Variants in MIER2 observed in about 807,000 individuals in gnomAD.
MIER2 encodes the protein mesoderm induction early response protein 2.
A neutral mutation model predicts 67.6 loss-of-function variants in MIER2; 30 were observed. The observed-to-expected ratio is 0.44, with a 90% CI of 0.33 to 0.60. The LOEUF (loss-of-function observed/expected upper bound fraction) is 0.60. Ranked by LOEUF, MIER2 falls within the 20% of genes least tolerant of loss-of-function variation. The pLI is 0.02. For missense variants in MIER2, 702 were observed against 745.1 expected, an observed-to-expected ratio of 0.94 and a Z score of 0.67; for synonymous variants, 372 against 312.6, an observed-to-expected ratio of 1.19 and a Z score of -2.00.
chr19:319,292 G>T (rs914796246), intron 7 of MIER2, among the ~76,000 whole-genome samples: 34 of 152,098 alleles, frequency 2.2e-4, no homozygotes, highest in Admixed American at 1.0e-3. Context: ...AACCTTGGAG[G>T]CGAAGTTTCC....
chr19:310,620 A>AGCTGCAGAAACACG, intron 10 of MIER2, among the ~76,000 whole-genome samples: 1 of 60,630 alleles, frequency 1.6e-5, no homozygotes. Flanking sequence ...ATAGAAACAC[A>AGCTGCAGAAACACG]GCCCGGAGCT....
intron 1 of MIER2, among the ~76,000 whole-genome samples, chr19:342,317 G>A (rs1307284711): frequency 6.6e-6 from 1 of 152,144 alleles, no homozygotes; most frequent in African/African-American, 2.4e-5. Flanking sequence ...AAGTGGACAT[G>A]TATGGTACCG....
intron 13 of MIER2, 147 bp downstream of exon 13, chr19:306,972 C>G (rs1970678733): frequency 9.6e-7 from 1 of 1,041,232 alleles, no homozygotes; most frequent in African/African-American, 1.6e-5. Context: ...AAGAATAAAC[C>G]TAAAGACACA....
chr19:340,013 T>TA (rs774589426), intron 1 of MIER2, among the ~76,000 whole-genome samples: 5 of 152,132 alleles, frequency 3.3e-5, no homozygotes, highest in African/African-American at 4.8e-5. Context: ...AAGGGTAGAT[T>TA]AAAATATTTA....
At chr19:335,869 C>T (rs1972228760) in intron 2 of MIER2, among the ~76,000 whole-genome samples, 2 of 152,114 alleles carry the variant, frequency 1.3e-5, no homozygotes, top group Non-Finnish European at 2.9e-5. Flanking sequence ...GGTCTTGGGT[C>T]GCCTGGGCTC....
At chr19:328,360 T>C (rs1206587989) in intron 3 of MIER2, among the ~76,000 whole-genome samples, 1 of 149,370 alleles carries the variant, frequency 6.7e-6, no homozygotes, top group Non-Finnish European at 1.5e-5. Context: ...AACATCAATA[T>C]ATTAAAGGGG....
At chr19:313,795 C>T (rs1971123524) in intron 7 of MIER2, 152 bp from the exon 8 acceptor site, 3 of 1,110,562 alleles carry the variant, frequency 2.7e-6, no homozygotes, top group Non-Finnish European at 3.8e-6. Context: ...CCCTGTGCTC[C>T]TCCTGGGCTT....
At position 308,716 on chromosome 19, in the gene MIER2, C is replaced by A. The variant is rs1970784055; in HGVS notation, c.1110-51G>T. 7.5e-6 allele frequency: 12 copies of A among 1,594,646 alleles called. No individual in the cohort carries two copies. The highest frequency in any genetic ancestry group is 1.0e-5 in the Non-Finnish European group (12 of 1,169,286). ...GCGGCAGACAGGACAGACGCCCCCA[C>A]CCAAGAGGTGCCGCCCAGGCGCCCA... On this transcript the variant is annotated intron_variant, in intron 11 of 13. Transcript: ENST00000264819. The surrounding 1 kb of genome is among the most constrained non-coding windows in gnomAD (Gnocchi z 9.1).
intron 3 of MIER2, among the ~76,000 whole-genome samples, chr19:330,797 CG>C: frequency 6.6e-6 from 1 of 152,208 alleles, no homozygotes; most frequent in South Asian, 2.1e-4. Context: ...AGAAGAGAGC[CG>C]GCACCAGAAC....
chr19:319,700 G>A (rs752804890), intron 7 of MIER2, among the ~76,000 whole-genome samples: 16 of 151,990 alleles, frequency 1.1e-4, no homozygotes, highest in African/African-American at 1.4e-4. Flanking sequence ...CTCGTGATCC[G>A]CCCACCCCAG....
chr19:335,723 C>T (rs1268490743), intron 2 of MIER2, among the ~76,000 whole-genome samples: 3 of 152,180 alleles, frequency 2.0e-5, no homozygotes, highest in Non-Finnish European at 2.9e-5. Flanking sequence ...CTGCCTGTCT[C>T]GCCGCCCTCC....
At chr19:323,273 A>G (rs1433783299) in intron 7 of MIER2, among the ~76,000 whole-genome samples, 3 of 134,794 alleles carry the variant, frequency 2.2e-5, no homozygotes, top group African/African-American at 8.2e-5. Context: ...GACACACACA[A>G]CCACGGCATC....
intron 7 of MIER2, among the ~76,000 whole-genome samples, chr19:324,122 G>GACAC (rs1971623686): frequency 3.8e-5 from 3 of 77,972 alleles, no homozygotes; most frequent in African/African-American, 5.7e-5. Context: ...ATGCAATAAA[G>GACAC]ACACAACCAC....
chr19:313,478 A>G lies in MIER2; in HGVS notation c.807+14T>C. The G allele has an allele frequency of 6.2e-7, 1 of 1,608,418 alleles. No individual in the cohort carries two copies. The highest frequency in any genetic ancestry group is 1.1e-5 in the South Asian group (1 of 90,892). Reference sequence around the variant, plus strand: ...AGCCCTCAGCCCCTCTGTCCCCGGCATGGCAGCCCCCACCTGCTCACTGTC... The same window carrying G: ...AGCCCTCAGCCCCTCTGTCCCCGGCGTGGCAGCCCCCACCTGCTCACTGTC... On this transcript the variant is annotated intron_variant, in intron 8 of 13. Transcript: ENST00000264819.
chr19:307,420 C>T lies in MIER2; in HGVS notation c.1315G>A (p.Ala439Thr), dbSNP rs1194207635. The change falls in exon 13 of 14, where the codon GCT (alanine) becomes ACT (threonine). Residue 439 changes from alanine (A) to threonine (T), a missense_variant. By Grantham distance (58) the Ala-to-Thr change is moderately conservative. This residue lies in a region of MIER2 where 254 missense variants were observed against 262.8 expected (regional missense o/e 0.97). Transcript: ENST00000264819. Reference sequence around the variant, plus strand: ...GGGGGCCGATGGGACAGGGGTACAGCGGGGGACTCATCCAGCTGCTGGAAG... The same window carrying T: ...GGGGGCCGATGGGACAGGGGTACAGTGGGGGACTCATCCAGCTGCTGGAAG... Reference protein sequence around the residue: ...CSFQQLDESPAVPLSHRPPAL... With the variant: ...CSFQQLDESPTVPLSHRPPAL... The T allele has an allele frequency of 6.9e-6, 11 of 1,599,290 alleles. No individual in the cohort carries two copies. Among genetic ancestry groups the T allele is most frequent in the Middle Eastern group, 3.3e-4 (2 of 6,028 alleles).
rs770688090 is a variant in MIER2, at chr19:308,703, A to G, written c.1110-38T>C. ...GGCGCCATGAGGGGCGGCAGACAGG[A>G]CAGACGCCCCCACCCAAGAGGTGCC... On this transcript the variant is annotated intron_variant, in intron 11 of 13. Transcript: ENST00000264819. The surrounding 1 kb of genome is among the most constrained non-coding windows in gnomAD (Gnocchi z 9.1). The G allele has an allele frequency of 6.3e-7, 1 of 1,596,084 alleles. No individual in the cohort carries two copies. Among genetic ancestry groups the G allele is most frequent in the East Asian group, 2.3e-5 (1 of 44,296 alleles).
intron 9 of MIER2, 87 bp downstream of exon 9, chr19:312,104 A>G (rs1299208488): frequency 1.7e-6 from 2 of 1,177,370 alleles, no homozygotes; most frequent in African/African-American, 3.1e-5. Flanking sequence ...GCGGGGCCGC[A>G]GCGGAAGGAA....
At chr19:327,654 A>G (rs1159405006) in intron 4 of MIER2, among the ~76,000 whole-genome samples, 2 of 152,218 alleles carry the variant, frequency 1.3e-5, no homozygotes, top group Non-Finnish European at 2.9e-5. Context: ...CACCCACCAA[A>G]GCCAGAATGA....
intron 7 of MIER2, among the ~76,000 whole-genome samples, chr19:324,948 C>G (rs1971673799): frequency 6.6e-6 from 1 of 152,250 alleles, no homozygotes; most frequent in African/African-American, 2.4e-5. Context: ...CGACCAGCCC[C>G]AGGAGGACGA....
Sources: gnomAD v4.1 joint callset for allele counts (sites outside exome capture counted in the v4.1 genomes callset) on GRCh38, gnomAD v4.1.1 for gene constraint, gnomAD v4.1.1 regional missense constraint, Gnocchi (gnomAD v3.1) non-coding constraint, MANE v1.5 for transcripts, NCBI Gene and HGNC (gene_info 2026-07-23, HGNC 2026-07-21) for gene names.